Variants in CFB observed in about 807,000 individuals in gnomAD.
The protein encoded by CFB is complement factor B, also known as B-factor, properdin.
In CFB, 59 loss-of-function variants were observed where a neutral mutation model predicts 97.2. That is an observed-to-expected ratio of 0.61 (90% CI 0.49 to 0.75). CFB has a LOEUF of 0.75. Ranked by LOEUF, CFB falls within the 30% of genes least tolerant of loss-of-function variation. The probability of loss-of-function intolerance (pLI) is 0.00; values close to 1 mark genes in which losing one functional copy is unlikely to be tolerated. For synonymous variants in CFB, 316 were observed against 351.7 expected (o/e 0.90, Z 1.14); for missense variants, 771 against 959.8 (o/e 0.80, Z 2.60).
chr6:31,947,733 C>T lies in CFB; in HGVS notation c.659-9C>T, dbSNP rs760149019. ...CCCAGACATTTGACCTCATTTCTGA[C>T]TCTCCCAGACTCCTTCATGTACGAC... On this transcript the variant is annotated splice_polypyrimidine_tract_variant and intron_variant, in intron 4 of 17. Transcript: ENST00000425368. The surrounding 1 kb of genome is among the most constrained non-coding windows in gnomAD (Gnocchi z 5.3). 6.2e-7 allele frequency: 1 copy of T among 1,612,698 alleles called. No homozygotes were observed. The highest frequency in any genetic ancestry group is 8.5e-7 in the Non-Finnish European group (1 of 1,179,708).
Position 31,946,324 on chromosome 6 carries a change from A to T in CFB, c.64+39A>T. ...ACCTTCCCTTCCTGCTGTCTCCAGCATCCCTCCTTGGCCTTTTGGGGCCAG... is the reference window on the plus strand; with the variant it reads ...ACCTTCCCTTCCTGCTGTCTCCAGCTTCCCTCCTTGGCCTTTTGGGGCCAG... On this transcript the variant is annotated intron_variant, in intron 1 of 17. Coordinates refer to ENST00000425368, the MANE Select transcript of CFB (RefSeq NM_001710.6). This position sits in a 1 kb window ranked among gnomAD's most constrained non-coding sequence, Gnocchi z 6.4. 1 of 1,612,948 alleles carries T rather than the reference A, an allele frequency of 6.2e-7. No homozygotes were observed. Among genetic ancestry groups the T allele is most frequent in the Non-Finnish European group, 8.5e-7 (1 of 1,179,956 alleles).
At chr6:31,950,434 AC>A in intron 12 of CFB, 31 bp downstream of exon 12, 1 of 1,596,590 alleles carries the variant, frequency 6.3e-7, no homozygotes, top group East Asian at 2.2e-5. Flanking sequence ...CCTGGGCTGC[AC>A]CTATGCTCTC....
At position 31,951,386 on chromosome 6, in the gene CFB, A is replaced by G; in HGVS notation, c.2002A>G (p.Lys668Glu). 1.2e-6 allele frequency: 2 copies of G among 1,614,194 alleles called. No homozygotes were observed. Among genetic ancestry groups the G allele is most frequent in the Non-Finnish European group, 1.7e-6 (2 of 1,180,042 alleles). ...TGCTCAATATGCCCCAGGCTATGAC[A>G]AAGTCAAGGACATCTCAGAGGTGGT... The part of the protein sequence containing the change: ...RDAQYAPGYD[K>E]VKDISEVVTP... The change falls in exon 16 of 18, where the codon AAA becomes GAA. Residue 668 changes from lysine (K) to glutamate (E), a missense_variant. Coordinates refer to ENST00000425368, the MANE Select transcript of CFB (RefSeq NM_001710.6). The surrounding 1 kb of genome is among the most constrained non-coding windows in gnomAD (Gnocchi z 4.3).
rs779648102 is a variant in CFB, at chr6:31,951,277, G to T, written c.1956+33G>T. On this transcript the variant is annotated intron_variant, in intron 15 of 17. Coordinates refer to ENST00000425368, the MANE Select transcript of CFB (RefSeq NM_001710.6). This position sits in a 1 kb window ranked among gnomAD's most constrained non-coding sequence, Gnocchi z 4.3. ...ACGGGCATCCTAAGGAGGCACTCTA[G>T]GCCCCAATCCTTCCTAAGCCACTTC... 1 of 1,613,418 alleles carries T rather than the reference G, an allele frequency of 6.2e-7. No homozygotes were observed. The highest frequency in any genetic ancestry group is 1.1e-5 in the South Asian group (1 of 91,078).
chr6:31,948,718 A>G (rs1310403576), intron 7 of CFB, 112 bp from the exon 8 acceptor site: 11 of 1,571,430 alleles, frequency 7.0e-6, no homozygotes, highest in Non-Finnish European at 9.6e-6. Flanking sequence ...CCGTGTAATG[A>G]TGATTAACTT....
rs1024862214 is a variant in CFB, at chr6:31,947,617, A to C, written c.658+96A>C. The C allele has an allele frequency of 6.3e-7, 1 of 1,587,440 alleles. No homozygotes were observed. Among genetic ancestry groups the C allele is most frequent in the Admixed American group, 1.7e-5 (1 of 59,958 alleles). On this transcript the variant is annotated intron_variant, in intron 4 of 17. Coordinates refer to ENST00000425368, the MANE Select transcript of CFB (RefSeq NM_001710.6). The surrounding 1 kb of genome is among the most constrained non-coding windows in gnomAD (Gnocchi z 5.3). ...CCCTGCTCTTTCCTCACTTTGTTTA[A>C]ACCTCCCTGTACAACTATCTCACTT...
At position 31,950,850 on chromosome 6, in the gene CFB, TCTC is replaced by T. The variant is rs779915932; in HGVS notation, c.1779-15_1779-13del. On this transcript the variant is annotated splice_polypyrimidine_tract_variant and intron_variant, in intron 13 of 17. Coordinates refer to ENST00000425368, the MANE Select transcript of CFB (RefSeq NM_001710.6). ...GTGAGGAGCAGGCCTGGTTTGCTGT[TCTC>T]CTTGTCCTTTATAGGCCCATTTGTC... is the stretch of plus-strand genomic sequence containing the variant. 5 of 1,612,986 alleles carry T rather than the reference TCTC, an allele frequency of 3.1e-6. No individual in the cohort carries two copies. The highest frequency in any genetic ancestry group is 4.2e-6 in the Non-Finnish European group (5 of 1,180,010).
Position 31,946,718 on chromosome 6 carries a change from T to A in CFB, c.298+112T>A, listed in dbSNP as rs950085471. 2 of 1,059,110 alleles carry A rather than the reference T, an allele frequency of 1.9e-6. No homozygotes were observed. The highest frequency in any genetic ancestry group is 2.8e-6 in the Non-Finnish European group (2 of 710,230). 65.6% of individuals were successfully genotyped at this position (1,059,110 alleles called of 1,614,324 possible). On this transcript the variant is annotated intron_variant, in intron 2 of 17. Coordinates refer to ENST00000425368, the MANE Select transcript of CFB (RefSeq NM_001710.6). This position sits in a 1 kb window ranked among gnomAD's most constrained non-coding sequence, Gnocchi z 6.4. ...GGTGACAAGGTGGGCTGACCGGGAG[T>A]AGGAGCAGTTTTAGGGTGGCAGGCG...
Position 31,947,700 on chromosome 6 carries a change from C to T in CFB, c.659-42C>T. 1 of 1,604,594 alleles carries T rather than the reference C, an allele frequency of 6.2e-7. No homozygotes were observed. Among genetic ancestry groups the T allele is most frequent in the South Asian group, 1.1e-5 (1 of 90,920 alleles). ...CCCCGTCTCTTTGGTCACTGTATCC[C>T]TGACACTCCCAGACATTTGACCTCA... On this transcript the variant is annotated intron_variant, in intron 4 of 17. Transcript: ENST00000425368. The surrounding 1 kb of genome is among the most constrained non-coding windows in gnomAD (Gnocchi z 5.3).
rs531193414 is a variant in CFB, at chr6:31,947,670, T to G, written c.659-72T>G. 3.2e-6 allele frequency: 5 copies of G among 1,583,808 alleles called. No homozygotes were observed. The African/African-American group carries it at 5.4e-5, about 17-fold the overall frequency. ...GAGCCTTTTATACCCTGGAAACCCA[T>G]GATCCCCCGTCTCTTTGGTCACTGT... On this transcript the variant is annotated intron_variant, in intron 4 of 17. Coordinates refer to ENST00000425368, the MANE Select transcript of CFB (RefSeq NM_001710.6). The surrounding 1 kb of genome is among the most constrained non-coding windows in gnomAD (Gnocchi z 5.3).
chr6:31,950,934 C>T lies in CFB; in HGVS notation c.1845C>T (p.Cys615=), dbSNP rs781127297. The T allele has an allele frequency of 8.1e-6, 13 of 1,612,808 alleles. No individual in the cohort carries two copies. The highest frequency in any genetic ancestry group is 1.0e-5 in the Non-Finnish European group (12 of 1,179,998). ...RALRLPPTTT[C]QQQKEELLPA... ...TGAGGCTTCCTCCAACTACCACTTG[C>T]CAGCAACAAAGTAAGACATACTTGG... Residue 615 remains cysteine, a synonymous_variant, in exon 14 of 18, where the codon TGC becomes TGT. Coordinates refer to ENST00000425368, the MANE Select transcript of CFB (RefSeq NM_001710.6).
chr6:31,948,648 A>T, intron 7 of CFB, 136 bp downstream of exon 7: 1 of 1,514,834 alleles, frequency 6.6e-7, no homozygotes. Context: ...TCGTTGGGCA[A>T]TGGAGGTTAG....
In CFB at chr6:31,946,228, A is replaced by G; in HGVS notation, c.7A>G (p.Ser3Gly). The change falls in exon 1 of 18, where the codon AGC (serine) becomes GGC (glycine). Residue 3 changes from serine (S) to glycine (G), a missense_variant. Physicochemically the swap from Ser to Gly is moderately conservative, Grantham distance 56 (BLOSUM62 0). Coordinates refer to ENST00000425368, the MANE Select transcript of CFB (RefSeq NM_001710.6). The surrounding 1 kb of genome is among the most constrained non-coding windows in gnomAD (Gnocchi z 6.4). ...TCTCCTGCCTTCCAACGCCATGGGG[A>G]GCAATCTCAGCCCCCAACTCTGCCT... MG[S>G]NLSPQLCLMP... The G allele has an allele frequency of 6.2e-7, 1 of 1,613,034 alleles. No homozygotes were observed. Among genetic ancestry groups the G allele is most frequent in the Non-Finnish European group, 8.5e-7 (1 of 1,180,002 alleles).
In CFB at chr6:31,951,213, G is replaced by A. The variant is rs773667445; in HGVS notation, c.1925G>A (p.Arg642Gln). The change falls in exon 15 of 18, where the codon CGG (arginine) becomes CAG (glutamine). Residue 642 changes from arginine (R) to glutamine (Q), a missense_variant. Coordinates refer to ENST00000425368, the MANE Select transcript of CFB (RefSeq NM_001710.6). This position sits in a 1 kb window ranked among gnomAD's most constrained non-coding sequence, Gnocchi z 4.3. Reference protein sequence around the residue: ...FVSEEEKKLTRKEVYIKNGDK... With the variant: ...FVSEEEKKLTQKEVYIKNGDK... Reference sequence around the variant, plus strand: ...TCTGAGGAGGAGAAAAAGCTGACTCGGAAGGAGGTCTACATCAAGAATGGG... The same window carrying A: ...TCTGAGGAGGAGAAAAAGCTGACTCAGAAGGAGGTCTACATCAAGAATGGG... 2.4e-5 allele frequency: 38 copies of A among 1,612,946 alleles called. No homozygotes were observed. Among genetic ancestry groups the A allele is most frequent in the Admixed American group, 1.2e-4 (7 of 60,004 alleles).
At chr6:31,950,021 G>T (rs529269825) in intron 10 of CFB, 29 bp from the exon 11 acceptor site, 1 of 1,610,544 alleles carries the variant, frequency 6.2e-7, no homozygotes, top group African/African-American at 1.3e-5. Flanking sequence ...AGTGTTCCGA[G>T]TTTTCAGCAC....
In CFB at chr6:31,948,035, G is replaced by C. The variant is rs756948669; in HGVS notation, c.851G>C (p.Ser284Thr). 6.2e-7 allele frequency: 1 copy of C among 1,614,102 alleles called. No individual in the cohort carries two copies. The highest frequency in any genetic ancestry group is 8.5e-7 in the Non-Finnish European group (1 of 1,180,060). The part of the protein sequence containing the change: ...VLDGSDSIGA[S>T]NFTGAKKCLV... ...GATGGATCAGACAGCATTGGGGCCA[G>C]CAACTTCACAGGAGCCAAAAAGTGT... Residue 284 changes from serine to threonine, a missense_variant, in exon 6 of 18, where the codon AGC (serine) becomes ACC (threonine). Physicochemically the swap from Ser to Thr is moderately conservative, Grantham distance 58. Coordinates refer to ENST00000425368, the MANE Select transcript of CFB (RefSeq NM_001710.6).
chr6:31,946,528 C>A lies in CFB; in HGVS notation c.220C>A (p.Arg74Ser), dbSNP rs760926358. 1.2e-6 allele frequency: 2 copies of A among 1,613,030 alleles called. No homozygotes were observed. Among genetic ancestry groups the A allele is most frequent in the East Asian group, 4.5e-5 (2 of 44,882 alleles). Residue 74 changes from arginine (R) to serine (S), a missense_variant, in exon 2 of 18, where the codon CGT becomes AGT. Arg to Ser is a moderately radical substitution (Grantham distance 110). Coordinates refer to ENST00000425368, the MANE Select transcript of CFB (RefSeq NM_001710.6). The surrounding 1 kb of genome is among the most constrained non-coding windows in gnomAD (Gnocchi z 6.4). The part of the protein sequence containing the change: ...SGFYPYPVQT[R>S]TCRSTGSWST... ...CTTCTACCCGTACCCTGTGCAGACA[C>A]GTACCTGCAGATCTACGGGGTCCTG...
At chr6:31,948,546 T>A (rs982938247) in intron 7 of CFB, 34 bp downstream of exon 7, 9 of 1,613,382 alleles carry the variant, frequency 5.6e-6, no homozygotes, top group Non-Finnish European at 7.6e-6. Flanking sequence ...AGGTTCACTT[T>A]GGGGTCAGGA....
At position 31,951,833 on chromosome 6, in the gene CFB, G is replaced by T. The variant is rs770748155; in HGVS notation, c.2140-42G>T. Reference sequence around the variant, plus strand: ...GGAACAGCCATGCTTCCAGGATTAGGAATTCTACTGAATGATCCATGGCAC... The same window carrying T: ...GGAACAGCCATGCTTCCAGGATTAGTAATTCTACTGAATGATCCATGGCAC... On this transcript the variant is annotated intron_variant, in intron 17 of 17. Transcript: ENST00000425368. The surrounding 1 kb of genome is among the most constrained non-coding windows in gnomAD (Gnocchi z 4.3). The T allele has an allele frequency of 2.5e-6, 4 of 1,612,956 alleles. No homozygotes were observed. Among genetic ancestry groups the T allele is most frequent in the Non-Finnish European group, 1.7e-6 (2 of 1,179,930 alleles).
Sources: allele counts gnomAD v4.1 joint callset, GRCh38; gene constraint gnomAD v4.1.1; non-coding constraint Gnocchi (gnomAD v3.1); transcripts MANE v1.5; gene names NCBI Gene and HGNC (gene_info 2026-07-23, HGNC 2026-07-21).